Variants in ZBTB20 observed in about 807,000 individuals in gnomAD.
ZBTB20 encodes zinc finger and BTB domain-containing protein 20.
Under a neutral mutation model 56.9 loss-of-function variants are expected in ZBTB20, and 9 were observed. That is an observed-to-expected ratio of 0.16 (90% CI 0.10 to 0.28). The LOEUF (loss-of-function observed/expected upper bound fraction) is 0.28, where lower values mean the gene tolerates loss of function less well. Among genes scored for constraint, ZBTB20 ranks in the 10% least tolerant of loss-of-function variants. ZBTB20 has a pLI of 1.00. For missense variants in ZBTB20, 655 were observed against 1,003.0 expected (o/e 0.65, Z 4.69); for synonymous variants, 417 against 420.7 (o/e 0.99, Z 0.11).
intron 1 of ZBTB20, among the ~76,000 whole-genome samples, chr3:115,121,114 C>T (rs1178994615): frequency 2.0e-5 from 3 of 151,954 alleles, no homozygotes; most frequent in African/African-American, 7.2e-5. Context: ...AAATTATAAC[C>T]CGTTGAGCTA....
intron 7 of ZBTB20, among the ~76,000 whole-genome samples, chr3:114,395,049 T>C (rs1276287865): frequency 6.6e-6 from 1 of 152,206 alleles, no homozygotes; most frequent in Non-Finnish European, 1.5e-5. Context: ...TTTACTAACC[T>C]TAATTGTCTA....
chr3:114,707,820 A>C (rs1252739220), intron 5 of ZBTB20, among the ~76,000 whole-genome samples: 1 of 152,192 alleles, frequency 6.6e-6, no homozygotes, highest in Non-Finnish European at 1.5e-5. Context: ...TGACTGATGC[A>C]CACAATCCAC....
chr3:114,725,272 T>C (rs1283063402), intron 5 of ZBTB20, among the ~76,000 whole-genome samples: 1 of 152,244 alleles, frequency 6.6e-6, no homozygotes, highest in Non-Finnish European at 1.5e-5. Context: ...CAATTAAATA[T>C]GCCTTCTCAA....
chr3:115,078,089 C>A (rs1415941349), intron 1 of ZBTB20, among the ~76,000 whole-genome samples: 6 of 152,096 alleles, frequency 3.9e-5, no homozygotes, highest in Admixed American at 3.9e-4. Context: ...AGCAGGAATT[C>A]AAAACAGAAA....
chr3:115,117,238 G>A (rs559840673), intron 1 of ZBTB20, among the ~76,000 whole-genome samples: 1 of 152,054 alleles, frequency 6.6e-6, no homozygotes, highest in Admixed American at 6.5e-5. Context: ...TCTAAGCATT[G>A]GCATACCTAA....
rs915930883 is a variant in ZBTB20 at position 115,006,408 on chromosome 3, C to T, written c.-506-31992G>A. Among the ~76,000 whole-genome samples the T allele has an allele frequency of 6.1e-4, 93 of 151,492 alleles. 1 individual carries two copies. The highest frequency in any genetic ancestry group is 4.0e-4 in the Non-Finnish European group (27 of 67,796). ...ATGAATGAAGTCTTTGTTTTCTCCA[C>T]TCTAAAATGTGCTCATATTAATTAA... On this transcript the variant is annotated intron_variant, in intron 2 of 11. Coordinates refer to ENST00000675478, the MANE Select transcript of ZBTB20 (RefSeq NM_001348800.3).
At chr3:114,729,509 C>A (rs978715632) in intron 5 of ZBTB20, among the ~76,000 whole-genome samples, 1 of 152,048 alleles carries the variant, frequency 6.6e-6, no homozygotes, top group Non-Finnish European at 1.5e-5. Context: ...ATTATATTCT[C>A]CCTCTACTTT....
chr3:114,975,117 T>C (rs1381059012), intron 2 of ZBTB20, among the ~76,000 whole-genome samples: 1 of 152,164 alleles, frequency 6.6e-6, no homozygotes, highest in Non-Finnish European at 1.5e-5. Context: ...ATTTCTTTAG[T>C]AAAGAATTGA....
chr3:114,645,080 G>A (rs1020012553), intron 6 of ZBTB20, among the ~76,000 whole-genome samples: 11 of 151,956 alleles, frequency 7.2e-5, no homozygotes, highest in African/African-American at 2.7e-4. Context: ...GCTCCACGAT[G>A]TTCGTTGAAC....
At chr3:115,142,534 C>T (rs560838934) in intron 1 of ZBTB20, among the ~76,000 whole-genome samples, 3 of 151,790 alleles carry the variant, frequency 2.0e-5, no homozygotes, top group South Asian at 2.1e-4. Flanking sequence ...CGTGGCTGTG[C>T]GCGCCTGTAG....
At position 114,326,941 on chromosome 3, in the gene ZBTB20, T is replaced by C. The variant is rs1212270235; in HGVS notation, c.*12064A>G. ...AAAATAAGATGCAGACTTTCTGAAATGCATTGTATGTGTGTGTGTTGCAGA... is the reference window on the plus strand; with the variant it reads ...AAAATAAGATGCAGACTTTCTGAAACGCATTGTATGTGTGTGTGTTGCAGA... On this transcript the variant is annotated 3_prime_UTR_variant, in exon 12 of 12. Transcript: ENST00000675478. 6.6e-6 allele frequency: 1 copy of C among 152,136 alleles called. No homozygotes were observed. Among genetic ancestry groups the C allele is most frequent in the African/African-American group, 2.4e-5 (1 of 41,442 alleles). 9.4% of individuals were successfully genotyped at this position (152,136 alleles called of 1,614,324 possible).
intron 6 of ZBTB20, among the ~76,000 whole-genome samples, chr3:114,601,530 T>C (rs764104615): frequency 1.1e-4 from 17 of 152,056 alleles, no homozygotes; most frequent in Non-Finnish European, 2.2e-4. Flanking sequence ...CATGTATTCA[T>C]TATACAATAA....
At chr3:114,856,937 C>T (rs750666596) in intron 4 of ZBTB20, among the ~76,000 whole-genome samples, 9 of 152,052 alleles carry the variant, frequency 5.9e-5, no homozygotes, top group East Asian at 1.9e-4. Flanking sequence ...AAGAAAAGGC[C>T]GTGCTGTCAT....
At chr3:115,023,667 T>C (rs2080297942) in intron 2 of ZBTB20, among the ~76,000 whole-genome samples, 1 of 150,970 alleles carries the variant, frequency 6.6e-6, no homozygotes, top group South Asian at 2.1e-4. Flanking sequence ...TTTAAATTGT[T>C]CCTTCCCTTC....
chr3:114,928,840 T>C (rs1394769533), intron 3 of ZBTB20, among the ~76,000 whole-genome samples: 1 of 152,208 alleles, frequency 6.6e-6, no homozygotes, highest in Non-Finnish European at 1.5e-5. Context: ...TATCTTCTTA[T>C]AAAAACTTCC....
chr3:115,020,421 A>G (rs538837391), intron 2 of ZBTB20, among the ~76,000 whole-genome samples: 1 of 151,212 alleles, frequency 6.6e-6, no homozygotes, highest in East Asian at 2.0e-4. Flanking sequence ...TTTGCAAATG[A>G]TAATTAATTC....
chr3:114,771,529 A>G (rs1032810701), intron 5 of ZBTB20, among the ~76,000 whole-genome samples: 1 of 152,202 alleles, frequency 6.6e-6, no homozygotes, highest in African/African-American at 2.4e-5. Context: ...TCTCTGAAAT[A>G]TATAGTCTAA....
chr3:114,526,025 T>A (rs932768834), intron 6 of ZBTB20, among the ~76,000 whole-genome samples: 4 of 152,216 alleles, frequency 2.6e-5, no homozygotes, highest in East Asian at 1.9e-4. Context: ...AAGATCATCA[T>A]CCTCCTTGAT....
intron 2 of ZBTB20, among the ~76,000 whole-genome samples, chr3:115,068,685 C>T (rs114475464): frequency 6.6e-6 from 1 of 151,864 alleles, no homozygotes; most frequent in South Asian, 2.1e-4. Context: ...CATTATAGGC[C>T]CCGAAAGTGA....
Sources: allele counts gnomAD v4.1 joint callset (sites outside exome capture counted in the v4.1 genomes callset), GRCh38; gene constraint gnomAD v4.1.1; transcripts MANE v1.5; gene names NCBI Gene and HGNC (gene_info 2026-07-23, HGNC 2026-07-21).